CAGE1: variants seen among roughly 807,000 people sequenced by gnomAD.
CAGE1 encodes the protein cancer antigen 1.
A neutral mutation model predicts 94.9 loss-of-function variants in CAGE1; 66 were observed. The ratio of observed to expected loss-of-function variants is 0.70; its 90% CI spans 0.57 to 0.85. CAGE1 has a LOEUF of 0.85. Among genes scored for constraint, CAGE1 ranks in the 40% least tolerant of loss-of-function variants. CAGE1 has a pLI of 0.00. For synonymous variants in CAGE1, 319 were observed against 321.0 expected, an observed-to-expected ratio of 0.99 and a Z score of 0.07; for missense variants, 865 against 950.4, an observed-to-expected ratio of 0.91 and a Z score of 1.18.
chr6:7,364,115 G>A (rs1007565635), intron 9 of CAGE1, among the ~76,000 whole-genome samples: 2 of 152,110 alleles, frequency 1.3e-5, no homozygotes, highest in African/African-American at 4.8e-5. Flanking sequence ...TATCACCAGG[G>A]CCTGAAGCAT....
chr6:7,341,490 C>G, intron 11 of CAGE1: 6 of 1,188,492 alleles, frequency 5.0e-6, no homozygotes, highest in Non-Finnish European at 7.5e-6. Flanking sequence ...TATTCCATCG[C>G]GAGTCTGAGG....
intron 11 of CAGE1, among the ~76,000 whole-genome samples, chr6:7,352,312 AAAAC>A (rs1759807880): frequency 4.4e-4 from 56 of 128,088 alleles, no homozygotes; most frequent in African/African-American, 1.7e-3. Flanking sequence ...AAAACAAAAA[AAAAC>A]AAAAAAAAAA....
At chr6:7,330,007 T>C (rs572290714) in intron 12 of CAGE1, 119 bp from the exon 13 acceptor site, 38 of 589,232 alleles carry the variant, frequency 6.4e-5, no homozygotes, top group Admixed American at 4.5e-4. Flanking sequence ...GGAGAAATCG[T>C]CATTTAAGAT....
Position 7,368,591 on chromosome 6 carries a change from A to T in CAGE1, c.2004+97T>A, listed in dbSNP as rs1027559458. On this transcript the variant is annotated intron_variant, in intron 7 of 13. Transcript: ENST00000502583. ...AATCTGGTCCCCCAAAATAATTTTT[A>T]AAATGATTCCAACTTTAAGAGTTAC... is the stretch of plus-strand genomic sequence containing the variant. 5.1e-5 allele frequency: 31 copies of T among 612,474 alleles called. No individual in the cohort carries two copies. The African/African-American group carries it at 5.2e-4, about 10-fold the overall frequency. The allele number at this position is 612,474 out of a possible 1,614,324, so 37.9% of individuals were successfully genotyped here. A position where few individuals can be genotyped will look rare whatever the true frequency, so the allele number is the denominator to read the frequency against.
chr6:7,329,093 G>A (rs1758647722), intron 13 of CAGE1: 1 of 290,936 alleles, frequency 3.4e-6, no homozygotes, highest in Non-Finnish European at 6.3e-6. Context: ...CACAACATCT[G>A]GCTAATTTTC....
intron 11 of CAGE1, among the ~76,000 whole-genome samples, chr6:7,345,316 C>T (rs571267526): frequency 2.0e-5 from 3 of 152,098 alleles, no homozygotes; most frequent in East Asian, 1.9e-4. Context: ...ATTTCTGAAC[C>T]AGCGAGACCA....
chr6:7,342,907 T>C (rs1175585634), intron 11 of CAGE1, among the ~76,000 whole-genome samples: 1 of 148,608 alleles, frequency 6.7e-6, no homozygotes, highest in Non-Finnish European at 1.5e-5. Context: ...GAATAGGGTG[T>C]GCTTTCCCCA....
rs148722785 is a variant in CAGE1, at chr6:7,345,320, G to A, written c.2369+9721C>T. Among the ~76,000 whole-genome samples, 37 of 152,006 alleles carry A rather than the reference G, an allele frequency of 2.4e-4. 1 individual carries two copies. The East Asian group carries it at 2.9e-3, about 12-fold the overall frequency. ...TTTGCAGTTTTATTTCTGAACCAGC[G>A]AGACCACTAAACCCAGCAGGATGAA... On this transcript the variant is annotated intron_variant, in intron 11 of 13. Coordinates refer to ENST00000502583, the MANE Select transcript of CAGE1 (RefSeq NM_001170692.2).
Position 7,334,083 on chromosome 6 carries a change from C to T in CAGE1, c.2377G>A (p.Glu793Lys). 6.6e-7 allele frequency: 1 copy of T among 1,523,094 alleles called. No homozygotes were observed. The highest frequency in any genetic ancestry group is 1.2e-5 in the South Asian group (1 of 81,488). 94.3% of individuals were successfully genotyped at this position (1,523,094 alleles called of 1,614,324 possible). A position where few individuals can be genotyped will look rare whatever the true frequency, so the allele number is the denominator to read the frequency against. The change falls in exon 12 of 14, where the codon GAG becomes AAG. Residue 793 changes from glutamate (E) to lysine (K), a missense_variant. Transcript: ENST00000502583. ...ISHSQIAHLEERNKHLEDLIR... is the reference protein window; with the variant it reads ...ISHSQIAHLEKRNKHLEDLIR... ...AAATCCTCTAAATGTTTATTTCTCT[C>T]TTCCAAACTGAAAGAAGAAACAATT...
In CAGE1 at chr6:7,365,857, T is replaced by A; in HGVS notation, c.2032A>T (p.Thr678Ser). ...ELLKHKDRIT[T>S]FRELIAKEKA... ...TCCTTAGCAATTAACTCTCTAAAGG[T>A]TGTGATTCTATCTTTATGTTTCAGT... is the stretch of plus-strand genomic sequence containing the variant. The change falls in exon 8 of 14, where the codon ACC becomes TCC. Residue 678 changes from threonine to serine, a missense_variant. Coordinates refer to ENST00000502583, the MANE Select transcript of CAGE1 (RefSeq NM_001170692.2). The A allele has an allele frequency of 6.5e-7, 1 of 1,536,666 alleles. No individual in the cohort carries two copies. The highest frequency in any genetic ancestry group is 8.8e-7 in the Non-Finnish European group (1 of 1,137,920).
intron 3 of CAGE1, 97 bp downstream of exon 3, chr6:7,385,688 T>C (rs1352248877): frequency 3.3e-6 from 2 of 609,980 alleles, no homozygotes; most frequent in African/African-American, 1.9e-5. Flanking sequence ...TGATGATGTA[T>C]ATAAAGTGCT....
intron 9 of CAGE1, among the ~76,000 whole-genome samples, chr6:7,357,334 T>C (rs1759992463): frequency 6.6e-6 from 1 of 152,200 alleles, no homozygotes; most frequent in Admixed American, 6.5e-5. Context: ...TAAAAGACTT[T>C]TGAAGTAGAA....
Position 7,338,779 on chromosome 6 carries a change from T to C in CAGE1, c.2370-4689A>G. ...TTTTTTCTGTCTTTGTACAATATTT[T>C]ATAAAGGTCTTTACAGAGCAACATC... On this transcript the variant is annotated intron_variant, in intron 11 of 13. Coordinates refer to ENST00000502583, the MANE Select transcript of CAGE1 (RefSeq NM_001170692.2). The C allele has an allele frequency of 4.0e-6, 3 of 759,178 alleles. No individual in the cohort carries two copies. The South Asian group carries it at 4.4e-5, about 11-fold the overall frequency. 47.0% of individuals were successfully genotyped at this position (759,178 alleles called of 1,614,324 possible). A position where few individuals can be genotyped will look rare whatever the true frequency, so the allele number is the denominator to read the frequency against.
chr6:7,386,625 C>A (rs762418368), intron 2 of CAGE1, among the ~76,000 whole-genome samples: 16 of 152,124 alleles, frequency 1.1e-4, no homozygotes, highest in Non-Finnish European at 2.1e-4. Flanking sequence ...CTTGCTCTCT[C>A]GCATAGGCTG....
At chr6:7,349,287 G>T (rs1041675131) in intron 11 of CAGE1, among the ~76,000 whole-genome samples, 1 of 152,142 alleles carries the variant, frequency 6.6e-6, no homozygotes, top group Non-Finnish European at 1.5e-5. Context: ...TTATCAGCTA[G>T]GAATTTTGTA....
At position 7,362,881 on chromosome 6, in the gene CAGE1, C is replaced by T. The variant is rs1760207233; in HGVS notation, c.2193+2587G>A. ...TTATCTTTCTCCAACCCTGCCCCTA[C>T]ACCTACTATGCCACCTTTTTGTTCT... On this transcript the variant is annotated intron_variant, in intron 9 of 13. Coordinates refer to ENST00000502583, the MANE Select transcript of CAGE1 (RefSeq NM_001170692.2). The surrounding 1 kb of genome is among the most constrained non-coding windows in gnomAD (Gnocchi z 4.1). 6.6e-6 allele frequency among the ~76,000 whole-genome samples: 1 copy of T among 152,204 alleles called. No homozygotes were observed. Among genetic ancestry groups the T allele is most frequent in the Non-Finnish European group, 1.5e-5 (1 of 68,046 alleles).
intron 6 of CAGE1, 66 bp from the exon 7 acceptor site, chr6:7,368,864 T>C (rs1364459075): frequency 1.3e-5 from 11 of 877,822 alleles, no homozygotes; most frequent in Non-Finnish European, 1.8e-5. Context: ...AGGCCAAAAC[T>C]ATGCATATGA....
intron 13 of CAGE1, among the ~76,000 whole-genome samples, chr6:7,328,928 ATATATAT>A (rs1758636540): frequency 1.1e-5 from 1 of 88,944 alleles, no homozygotes; most frequent in African/African-American, 3.8e-5. Flanking sequence ...GTATATATAT[ATATATAT>A]TTTTTTTTTT....
intron 11 of CAGE1, among the ~76,000 whole-genome samples, chr6:7,345,225 C>CG (rs1561851834): frequency 6.7e-6 from 1 of 149,234 alleles, no homozygotes; most frequent in African/African-American, 2.6e-5. Flanking sequence ...GTATAAGCTA[C>CG]CAGCCTACCA....
Sources: gnomAD v4.1 joint callset for allele counts (sites outside exome capture counted in the v4.1 genomes callset) on GRCh38, gnomAD v4.1.1 for gene constraint, Gnocchi (gnomAD v3.1) non-coding constraint, MANE v1.5 for transcripts, NCBI Gene and HGNC (gene_info 2026-07-23, HGNC 2026-07-21) for gene names.